PDLIM3: variants seen among roughly 807,000 people sequenced by gnomAD.
PDLIM3 encodes the protein PDZ and LIM domain 3.
In PDLIM3, 36 loss-of-function variants were observed where a neutral mutation model predicts 37.3. The observed-to-expected ratio is 0.97, with a 90% CI of 0.74 to 1.28. PDLIM3 has a LOEUF of 1.28. PDLIM3 is among the 50% of genes most tolerant of loss of function. The probability of loss-of-function intolerance (pLI) is 0.00; values close to 1 mark genes in which losing one functional copy is unlikely to be tolerated. For missense variants in PDLIM3, 454 were observed against 485.0 expected (o/e 0.94, Z 0.60); for synonymous variants, 174 against 182.4 (o/e 0.95, Z 0.37).
intron 4 of PDLIM3, among the ~76,000 whole-genome samples, chr4:185,511,463 T>C (rs921896925): frequency 6.6e-6 from 1 of 151,830 alleles, no homozygotes; most frequent in Non-Finnish European, 1.5e-5. Context: ...CAGCTTCAAG[T>C]GATTCTCATG....
chr4:185,533,711 G>A (rs1462112787), intron 1 of PDLIM3, among the ~76,000 whole-genome samples: 1 of 152,026 alleles, frequency 6.6e-6, no homozygotes, highest in Non-Finnish European at 1.5e-5. Context: ...GTCCAACTCT[G>A]GAATGTAAGT....
At chr4:185,531,461 A>AT (rs551495912) in intron 1 of PDLIM3, among the ~76,000 whole-genome samples, 1 of 152,102 alleles carries the variant, frequency 6.6e-6, no homozygotes, top group East Asian at 1.9e-4. Context: ...CTTACTTTTG[A>AT]TTTTTTTATA....
intron 2 of PDLIM3, among the ~76,000 whole-genome samples, chr4:185,524,312 T>C (rs768766962): frequency 6.6e-6 from 1 of 152,230 alleles, no homozygotes; most frequent in East Asian, 1.9e-4. Flanking sequence ...GATTGGTGGA[T>C]TGATTGATCC....
Position 185,504,511 on chromosome 4 carries a change from C to G in PDLIM3, c.869G>C (p.Arg290Thr). The change falls in exon 7 of 8, where the codon AGG becomes ACG. Residue 290 changes from arginine to threonine, a missense_variant. Transcript: ENST00000284767. This position sits in a 1 kb window ranked among gnomAD's most constrained non-coding sequence, Gnocchi z 4.7. The stretch of plus-strand genomic sequence containing the variant: ...CCCACATTTGTCACAGAGCGGCATC[C>G]TCTGTGCCCCGCCTGAACCGCCATG... ...KVHGGSGGAQ[R>T]MPLCDKCGSG... 1 of 1,614,138 alleles carries G rather than the reference C, an allele frequency of 6.2e-7. No individual in the cohort carries two copies. The highest frequency in any genetic ancestry group is 8.5e-7 in the Non-Finnish European group (1 of 1,179,984).
At chr4:185,535,227 TCCGC>T in intron 1 of PDLIM3, 111 bp downstream of exon 1, 2 of 914,770 alleles carry the variant, frequency 2.2e-6, no homozygotes, top group Non-Finnish European at 3.4e-6. Context: ...CAGCGCCCCG[TCCGC>T]CCGCCCTCGC....
At chr4:185,513,517 CTTT>C (rs11359195) in intron 4 of PDLIM3, 7 of 807,870 alleles carry the variant, frequency 8.7e-6, no homozygotes, top group Middle Eastern at 6.1e-4. Flanking sequence ...CACTTAAATT[CTTT>C]TTTTTTTTTT....
rs2095687632 is a variant in PDLIM3, at chr4:185,501,917, T to C, written c.*377A>G. On this transcript the variant is annotated 3_prime_UTR_variant, in exon 8 of 8. Coordinates refer to ENST00000284767, the MANE Select transcript of PDLIM3 (RefSeq NM_014476.6). ...GTTAGAATACAAGATTGTTATTTGC[T>C]ATTTACCACAATTGCAAAATCAACT... The C allele has an allele frequency of 3.1e-6, 1 of 324,068 alleles. No individual in the cohort carries two copies. The highest frequency in any genetic ancestry group is 2.9e-5 in the South Asian group (1 of 34,896). The allele number at this position is 324,068 out of a possible 1,614,324, so 20.1% of individuals were successfully genotyped here. A position where few individuals can be genotyped will look rare whatever the true frequency, so the allele number is the denominator to read the frequency against.
At chr4:185,517,350 T>TAGC (rs1348673421) in intron 3 of PDLIM3, 1 of 115,490 alleles carries the variant, frequency 8.7e-6, no homozygotes. Context: ...AGCTTAGCTT[T>TAGC]TTTTTTTTTT....
At chr4:185,517,395 C>G (rs2095716617) in intron 3 of PDLIM3, 1 of 127,820 alleles carries the variant, frequency 7.8e-6, no homozygotes, top group Non-Finnish European at 1.6e-5. Flanking sequence ...TAAGGCCTGC[C>G]TTAAAGTCTT....
chr4:185,526,731 T>C (rs1157829063), intron 1 of PDLIM3, among the ~76,000 whole-genome samples: 1 of 152,192 alleles, frequency 6.6e-6, no homozygotes, highest in Non-Finnish European at 1.5e-5. Flanking sequence ...CTGTGGCCAT[T>C]CTGATTTCCT....
At chr4:185,505,477 C>T (rs775033856) in intron 6 of PDLIM3, among the ~76,000 whole-genome samples, 37 of 152,166 alleles carry the variant, frequency 2.4e-4, no homozygotes, top group African/African-American at 7.5e-4. Flanking sequence ...AAAAATTAGC[C>T]GGGCGCGGTG....
intron 1 of PDLIM3, among the ~76,000 whole-genome samples, chr4:185,526,681 T>C (rs1195119963): frequency 2.0e-5 from 3 of 152,222 alleles, no homozygotes; most frequent in South Asian, 4.1e-4. Flanking sequence ...ACTTCTCTCA[T>C]ATCATCTTAC....
chr4:185,532,559 G>GT (rs2095746519), intron 1 of PDLIM3, among the ~76,000 whole-genome samples: 1 of 152,142 alleles, frequency 6.6e-6, no homozygotes, highest in African/African-American at 2.4e-5. Context: ...CAGGGAAATC[G>GT]TAAGTAGTCC....
intron 1 of PDLIM3, among the ~76,000 whole-genome samples, chr4:185,529,705 G>A (rs2095740584): frequency 1.3e-5 from 2 of 152,276 alleles, no homozygotes; most frequent in South Asian, 4.2e-4. Flanking sequence ...TGCCAGGGCT[G>A]GGAACCATCA....
chr4:185,508,619 C>G, intron 4 of PDLIM3, 57 bp from the exon 5 acceptor site: 1 of 1,562,272 alleles, frequency 6.4e-7, no homozygotes. Flanking sequence ...ACAGTCCAGA[C>G]AGAAGAACAC....
chr4:185,525,446 AT>A, intron 1 of PDLIM3, among the ~76,000 whole-genome samples: 1 of 152,274 alleles, frequency 6.6e-6, no homozygotes, highest in African/African-American at 2.4e-5. Context: ...TGAATCATAC[AT>A]TTTTTTGTTT....
intron 1 of PDLIM3, among the ~76,000 whole-genome samples, chr4:185,528,333 A>G (rs2095737791): frequency 6.6e-6 from 1 of 152,208 alleles, no homozygotes. Flanking sequence ...TAAGTCCAAT[A>G]TCTATTGATA....
At position 185,514,871 on chromosome 4, in the gene PDLIM3, G is replaced by A. The variant is rs1185032881; in HGVS notation, c.331-534C>T. On this transcript the variant is annotated intron_variant, in intron 3 of 7. Coordinates refer to ENST00000284767, the MANE Select transcript of PDLIM3 (RefSeq NM_014476.6). This position sits in a 1 kb window ranked among gnomAD's most constrained non-coding sequence, Gnocchi z 4.0. The stretch of plus-strand genomic sequence containing the variant: ...AGGCTGGGCCCTTCTGTTGTGCGCG[G>A]TACCAATGGGTTTGAATTCCTGTAC... The A allele has an allele frequency of 1.9e-6, 3 of 1,551,066 alleles. No individual in the cohort carries two copies. The highest frequency in any genetic ancestry group is 2.6e-6 in the Non-Finnish European group (3 of 1,146,754).
intron 5 of PDLIM3, 34 bp from the exon 6 acceptor site, chr4:185,506,686 G>A (rs760269910): frequency 1.0e-4 from 163 of 1,598,954 alleles, no homozygotes; most frequent in Admixed American, 1.5e-4. Context: ...GCATCGTCAG[G>A]TGCTGGGAGG....
Sources: allele counts gnomAD v4.1 joint callset (sites outside exome capture counted in the v4.1 genomes callset), GRCh38; gene constraint gnomAD v4.1.1; non-coding constraint Gnocchi (gnomAD v3.1); transcripts MANE v1.5; gene names NCBI Gene and HGNC (gene_info 2026-07-23, HGNC 2026-07-21).